The following GPRC5B variants were observed in gnomAD, a reference collection of about 807,000 sequenced individuals.
GPRC5B encodes the protein G protein-coupled receptor family C group 5 member B.
In GPRC5B, 16 loss-of-function variants were observed where a neutral mutation model predicts 30.1. The ratio of observed to expected loss-of-function variants is 0.53; its 90% CI spans 0.36 to 0.81. The LOEUF (loss-of-function observed/expected upper bound fraction) is 0.81. Ranked by LOEUF, GPRC5B falls within the 30% of genes least tolerant of loss-of-function variation. The pLI is 0.01. For missense variants in GPRC5B, 428 were observed against 544.7 expected (o/e 0.79, Z 2.13); for synonymous variants, 241 against 239.5 (o/e 1.01, Z -0.06).
chr16:19,881,661 A>G (rs1177442935), intron 1 of GPRC5B, among the ~76,000 whole-genome samples: 1 of 152,182 alleles, frequency 6.6e-6, no homozygotes, highest in African/African-American at 2.4e-5. Context: ...GCACACCTGT[A>G]ATCCCAGATA....
At chr16:19,863,937 C>A (rs967726851) in intron 2 of GPRC5B, among the ~76,000 whole-genome samples, 2 of 152,084 alleles carry the variant, frequency 1.3e-5, no homozygotes, top group Non-Finnish European at 2.9e-5. Flanking sequence ...GCCCCCCAAC[C>A]CCCCCGCAAC....
upstream of GPRC5B, chr16:19,885,283 C>T (rs1224683060): frequency 1.2e-5 from 15 of 1,278,070 alleles, no homozygotes; most frequent in Non-Finnish European, 1.5e-5. This position sits in a 1 kb window ranked among gnomAD's most constrained non-coding sequence, Gnocchi z 5.3. Context: ...GGTTCATAAG[C>T]AGTAACTTCC....
rs981058561 is a variant in GPRC5B, at chr16:19,860,421, C to T, written c.*79G>A. On this transcript the variant is annotated 3_prime_UTR_variant, in exon 4 of 4. Transcript: ENST00000300571. ...GGCGGCCTGGTTCGGCAACTGTTACCGATTTCTCCCTCAAGAAAGACACAG... is the reference window on the plus strand; with the variant it reads ...GGCGGCCTGGTTCGGCAACTGTTACTGATTTCTCCCTCAAGAAAGACACAG... 15 of 908,608 alleles carry T rather than the reference C, an allele frequency of 1.7e-5. No individual in the cohort carries two copies. Among genetic ancestry groups the T allele is most frequent in the African/African-American group, 8.3e-5 (5 of 60,550 alleles). The allele number at this position is 908,608 out of a possible 1,614,324, so 56.3% of individuals were successfully genotyped here. A position where few individuals can be genotyped will look rare whatever the true frequency, so the allele number is the denominator to read the frequency against.
At chr16:19,881,414 C>A (rs1908208) in intron 1 of GPRC5B, among the ~76,000 whole-genome samples, 94,370 of 151,748 alleles carry the variant, frequency 0.62, 29,825 homozygotes, top group African/African-American at 0.73. Context: ...TAAATAAATA[C>A]AACAAGAAAA....
chr16:19,865,555 T>A (rs2056659155), intron 2 of GPRC5B, among the ~76,000 whole-genome samples: 1 of 152,250 alleles, frequency 6.6e-6, no homozygotes. Context: ...TACAAGAACC[T>A]GCTAATAATG....
In GPRC5B at chr16:19,858,618, T is replaced by G; in HGVS notation, c.*1882A>C. Reference sequence around the variant, plus strand: ...GAGGTGTTTGAAGATTTCTTTCTTTTCAGAATACCGGGTCCGCATGCAACC... The same window carrying G: ...GAGGTGTTTGAAGATTTCTTTCTTTGCAGAATACCGGGTCCGCATGCAACC... On this transcript the variant is annotated 3_prime_UTR_variant, in exon 4 of 4. Coordinates refer to ENST00000300571, the MANE Select transcript of GPRC5B (RefSeq NM_016235.3). The G allele has an allele frequency of 1.7e-6, 1 of 583,328 alleles. No homozygotes were observed. Among genetic ancestry groups the G allele is most frequent in the Non-Finnish European group, 3.1e-6 (1 of 320,706 alleles). The allele number at this position is 583,328 out of a possible 1,614,324, so 36.1% of individuals were successfully genotyped here.
At chr16:19,879,797 C>T (rs377557467) in intron 1 of GPRC5B, among the ~76,000 whole-genome samples, 6 of 152,134 alleles carry the variant, frequency 3.9e-5, no homozygotes, top group East Asian at 1.9e-4. Flanking sequence ...GGGTTTAGGA[C>T]GGTAGTTAAT....
At chr16:19,867,435 A>G (rs2056676094) in intron 2 of GPRC5B, among the ~76,000 whole-genome samples, 1 of 152,302 alleles carries the variant, frequency 6.6e-6, no homozygotes, top group Admixed American at 6.5e-5. Flanking sequence ...AGCCACTAAA[A>G]TGCTCAGAAT....
chr16:19,872,660 C>T lies in GPRC5B; in HGVS notation c.186G>A (p.Val62=), dbSNP rs986756248. The T allele has an allele frequency of 2.5e-6, 4 of 1,613,978 alleles. No individual in the cohort carries two copies. Among genetic ancestry groups the T allele is most frequent in the Non-Finnish European group, 3.4e-6 (4 of 1,179,980 alleles). The stretch of plus-strand genomic sequence containing the variant: ...GTGTGATCAGGGCGCCCGCCCCGGC[C>T]ACCGCCTCCACCACAATGCCCCAGA... ...DAIWGIVVEA[V]AGAGALITLL... is the part of the protein sequence containing the mutation. Residue 62 remains valine, a synonymous_variant, in exon 2 of 4, where the codon GTG becomes GTA. Coordinates refer to ENST00000300571, the MANE Select transcript of GPRC5B (RefSeq NM_016235.3). This position sits in a 1 kb window ranked among gnomAD's most constrained non-coding sequence, Gnocchi z 5.0.
upstream of GPRC5B, chr16:19,885,422 C>T: frequency 8.7e-7 from 1 of 1,150,668 alleles, no homozygotes; most frequent in Non-Finnish European, 1.1e-6. This position sits in a 1 kb window ranked among gnomAD's most constrained non-coding sequence, Gnocchi z 5.3. Context: ...AGGCAGGTTC[C>T]TCCTGGACAC....
At chr16:19,864,704 G>A (rs776323678) in intron 2 of GPRC5B, among the ~76,000 whole-genome samples, 9 of 152,220 alleles carry the variant, frequency 5.9e-5, no homozygotes, top group Non-Finnish European at 1.3e-4. Flanking sequence ...AGACCCAAGG[G>A]CTCAAGGATA....
chr16:19,878,935 G>T (rs1320637892), intron 1 of GPRC5B, among the ~76,000 whole-genome samples: 1 of 152,108 alleles, frequency 6.6e-6, no homozygotes, highest in Non-Finnish European at 1.5e-5. Flanking sequence ...AGCCACCAGT[G>T]CTTCCACCAG....
chr16:19,874,080 A>G (rs1048280617), intron 1 of GPRC5B, among the ~76,000 whole-genome samples: 12 of 152,206 alleles, frequency 7.9e-5, no homozygotes, highest in African/African-American at 2.9e-4. Context: ...TGTAGTAAAC[A>G]CAAAAGCAGC....
chr16:19,862,619 A>G (rs2056635943), intron 2 of GPRC5B, among the ~76,000 whole-genome samples: 2 of 152,204 alleles, frequency 1.3e-5, no homozygotes, highest in Admixed American at 6.5e-5. Context: ...CAAACAAAAA[A>G]AAAGGGTAGA....
At chr16:19,860,610 G>A (rs1003234876) in intron 3 of GPRC5B, 66 bp from the exon 4 acceptor site, 39 of 1,028,864 alleles carry the variant, frequency 3.8e-5, no homozygotes, top group African/African-American at 2.4e-4. Flanking sequence ...ACTAGAAACC[G>A]ATGCGTAAAC....
At chr16:19,871,032 C>A (rs1162222074) in intron 2 of GPRC5B, among the ~76,000 whole-genome samples, 2 of 151,368 alleles carry the variant, frequency 1.3e-5, no homozygotes, top group African/African-American at 4.9e-5. Context: ...GTGGCTCATG[C>A]CAGAGTTTTG....
At chr16:19,879,411 C>T (rs969296733) in intron 1 of GPRC5B, among the ~76,000 whole-genome samples, 2 of 151,396 alleles carry the variant, frequency 1.3e-5, no homozygotes, top group Non-Finnish European at 2.9e-5. Context: ...ATCTCTCTCT[C>T]TCTCACACAC....
At position 19,872,738 on chromosome 16, in the gene GPRC5B, G is replaced by A; in HGVS notation, c.108C>T (p.Gly36=). The change falls in exon 2 of 4, where the codon GGC becomes GGT. Residue 36 remains glycine (G), a synonymous_variant. Transcript: ENST00000300571. The surrounding 1 kb of genome is among the most constrained non-coding windows in gnomAD (Gnocchi z 5.0). ...ACTGAGGGAGGAGGTCCAGCCCACA[G>A]CCTCGGGATGTGCTGGCGTTTTCAG... ...VASENASTSR[G]CGLDLLPQYV... is the part of the protein sequence containing the mutation. The A allele has an allele frequency of 2.5e-6, 4 of 1,613,666 alleles. No homozygotes were observed. The highest frequency in any genetic ancestry group is 3.4e-6 in the Non-Finnish European group (4 of 1,179,904).
intron 1 of GPRC5B, among the ~76,000 whole-genome samples, chr16:19,879,518 A>C (rs904996436): frequency 2.0e-5 from 3 of 151,590 alleles, no homozygotes; most frequent in Non-Finnish European, 4.4e-5. Context: ...AGCACACTCT[A>C]TCTCTCCACG....
Sources: allele counts gnomAD v4.1 joint callset (sites outside exome capture counted in the v4.1 genomes callset), GRCh38; gene constraint gnomAD v4.1.1; non-coding constraint Gnocchi (gnomAD v3.1); transcripts MANE v1.5; gene names NCBI Gene and HGNC (gene_info 2026-07-23, HGNC 2026-07-21).